STXBP6: variants seen among roughly 807,000 people sequenced by gnomAD.
STXBP6 encodes syntaxin binding protein 6.
A neutral mutation model predicts 26.9 loss-of-function variants in STXBP6; 21 were observed. The ratio of observed to expected loss-of-function variants is 0.78; its 90% confidence interval spans 0.55 to 1.12. STXBP6 has a LOEUF of 1.12. Ranked by LOEUF, STXBP6 falls within the 50% of genes most tolerant of loss-of-function variation. STXBP6 has a pLI of 0.00. For synonymous variants in STXBP6, 97 were observed against 92.6 expected (o/e 1.05, Z -0.27); for missense variants, 232 against 257.9 (o/e 0.90, Z 0.69).
chr14:24,885,265 G>T (rs2070535041), intron 2 of STXBP6, among the ~76,000 whole-genome samples: 1 of 152,180 alleles, frequency 6.6e-6, no homozygotes, highest in Non-Finnish European at 1.5e-5. Flanking sequence ...GGTTCTCTGA[G>T]GTGTCTGCCA....
intron 4 of STXBP6, among the ~76,000 whole-genome samples, chr14:24,855,636 G>T (rs935407281): frequency 1.4e-4 from 22 of 152,124 alleles, no homozygotes; most frequent in African/African-American, 5.3e-4. Context: ...AAAATAAAAG[G>T]TTTTTCTAAT....
At chr14:24,819,590 TTA>T in intron 4 of STXBP6, 1 of 420,234 alleles carries the variant, frequency 2.4e-6, no homozygotes. Context: ...TATCTGGATC[TTA>T]TGTTATTTCC....
intron 4 of STXBP6, among the ~76,000 whole-genome samples, chr14:24,855,609 A>C (rs979433251): frequency 6.6e-6 from 1 of 152,132 alleles, no homozygotes; most frequent in Non-Finnish European, 1.5e-5. Context: ...AATTATAGAA[A>C]AGGTAGTAAA....
At chr14:24,950,452 A>C (rs2073126141) in intron 2 of STXBP6, among the ~76,000 whole-genome samples, 1 of 152,218 alleles carries the variant, frequency 6.6e-6, no homozygotes, top group Non-Finnish European at 1.5e-5. Flanking sequence ...ACAATAGAAT[A>C]AAATATAGCG....
intron 1 of STXBP6, chr14:24,987,833 A>G (rs926269807): frequency 1.4e-5 from 14 of 985,400 alleles, no homozygotes; most frequent in Non-Finnish European, 1.6e-5. Flanking sequence ...GGAGAAAAAC[A>G]AACAGAAAAT....
At chr14:24,826,767 C>T (rs2068298337) in intron 4 of STXBP6, among the ~76,000 whole-genome samples, 1 of 152,182 alleles carries the variant, frequency 6.6e-6, no homozygotes, top group Non-Finnish European at 1.5e-5. Context: ...TCCTTCATTC[C>T]CTTCCTGATT....
chr14:24,835,874 C>G (rs568622204), intron 4 of STXBP6, among the ~76,000 whole-genome samples: 161 of 152,302 alleles, frequency 1.1e-3, no homozygotes, highest in African/African-American at 3.6e-3. Context: ...TGGAGACACC[C>G]ATTTTCTACT....
At chr14:24,821,154 T>A (rs1830779930) in intron 4 of STXBP6, among the ~76,000 whole-genome samples, 1 of 152,190 alleles carries the variant, frequency 6.6e-6, no homozygotes, top group Non-Finnish European at 1.5e-5. Flanking sequence ...TTTTCCTGCC[T>A]CCTTCCATAT....
intron 2 of STXBP6, among the ~76,000 whole-genome samples, chr14:24,924,294 T>C (rs1027520065): frequency 5.9e-5 from 9 of 152,202 alleles, no homozygotes; most frequent in African/African-American, 2.2e-4. Context: ...ATTAGCAGTT[T>C]GTATTTTTGT....
intron 4 of STXBP6, among the ~76,000 whole-genome samples, chr14:24,834,247 A>G (rs980848281): frequency 1.3e-5 from 2 of 152,194 alleles, no homozygotes; most frequent in Non-Finnish European, 2.9e-5. Context: ...CTGCCATCTC[A>G]CACTCCCAAA....
At chr14:24,952,791 C>T (rs1231640018) in intron 2 of STXBP6, among the ~76,000 whole-genome samples, 1 of 152,082 alleles carries the variant, frequency 6.6e-6, no homozygotes, top group Non-Finnish European at 1.5e-5. Context: ...TAATGCTGTC[C>T]ATAAATTTCA....
At chr14:24,855,893 C>T (rs745627451) in intron 4 of STXBP6, 43 bp downstream of exon 4, 27 of 1,545,682 alleles carry the variant, frequency 1.7e-5, no homozygotes, top group Non-Finnish European at 2.1e-5. Flanking sequence ...AAAAGTGAGT[C>T]TAAAGAAACA....
intron 1 of STXBP6, among the ~76,000 whole-genome samples, chr14:25,007,711 T>C (rs920776089): frequency 6.6e-6 from 1 of 152,176 alleles, no homozygotes; most frequent in Non-Finnish European, 1.5e-5. Flanking sequence ...ATGAAATCAA[T>C]ACAATTATTT....
intron 1 of STXBP6, among the ~76,000 whole-genome samples, chr14:25,003,054 T>A (rs1487338347): frequency 6.6e-6 from 1 of 152,074 alleles, no homozygotes; most frequent in African/African-American, 2.4e-5. Flanking sequence ...AATGTAAAGG[T>A]CAAGGAATCA....
intron 1 of STXBP6, among the ~76,000 whole-genome samples, chr14:25,009,915 T>C (rs1444578147): frequency 6.6e-6 from 1 of 152,148 alleles, no homozygotes; most frequent in African/African-American, 2.4e-5. Context: ...CCCCCAACTC[T>C]CCTCATCAGC....
intron 2 of STXBP6, among the ~76,000 whole-genome samples, chr14:24,921,884 C>T (rs1255733438): frequency 1.3e-5 from 2 of 152,048 alleles, no homozygotes; most frequent in Non-Finnish European, 2.9e-5. Flanking sequence ...CCTGTACATC[C>T]CACCTTTCTA....
rs900335478 is a variant in STXBP6 at position 24,810,814 on chromosome 14, C to CA, written c.*1894dup. 1 of 148,166 alleles carries CA rather than the reference C, an allele frequency of 6.7e-6. No individual in the cohort carries two copies. Among genetic ancestry groups the CA allele is most frequent in the African/African-American group, 2.5e-5 (1 of 40,306 alleles). The allele number at this position is 148,166 out of a possible 1,614,324, so 9.2% of individuals were successfully genotyped here. A position where few individuals can be genotyped will look rare whatever the true frequency, so the allele number is the denominator to read the frequency against. ...GATTTATCCTTTCAATTATTTATAC[C>CA]AACTCTCTATCTCTGAAACCAGAAT... is the stretch of plus-strand genomic sequence containing the variant. On this transcript the variant is annotated 3_prime_UTR_variant, in exon 6 of 6. Coordinates refer to ENST00000323944, the MANE Select transcript of STXBP6 (RefSeq NM_001394410.1).
intron 1 of STXBP6, among the ~76,000 whole-genome samples, chr14:25,033,508 A>G (rs1379179442): frequency 6.6e-6 from 1 of 152,206 alleles, no homozygotes; most frequent in African/African-American, 2.4e-5. Flanking sequence ...ATACTTTCTC[A>G]TACCCATTAT....
At chr14:24,823,545 G>T (rs1276843046) in intron 4 of STXBP6, among the ~76,000 whole-genome samples, 3 of 152,014 alleles carry the variant, frequency 2.0e-5, no homozygotes, top group Non-Finnish European at 4.4e-5. Flanking sequence ...AGAGATATTT[G>T]AAATATAAAA....
Sources: gnomAD v4.1 joint callset for allele counts (sites outside exome capture counted in the v4.1 genomes callset) on GRCh38, gnomAD v4.1.1 for gene constraint, MANE v1.5 for transcripts, NCBI Gene and HGNC (gene_info 2026-07-23, HGNC 2026-07-21) for gene names.